The following CDK8 variants were observed in gnomAD, a reference collection of about 807,000 sequenced individuals.
CDK8 encodes the protein cyclin-dependent kinase 8.
CDK8 carries 29 observed loss-of-function variants against 71.5 expected under a neutral mutation model. The observed-to-expected ratio is 0.41, with a 90% confidence interval of 0.30 to 0.55. The LOEUF is 0.55. CDK8 is among the 20% of genes least tolerant of loss of function. The pLI is 0.37. For missense variants in CDK8, 288 were observed against 572.6 expected (o/e 0.50, Z 5.07); for synonymous variants, 161 against 192.1 (o/e 0.84, Z 1.34).
intron 1 of CDK8, among the ~76,000 whole-genome samples, chr13:26,281,696 G>A (rs1316044431): frequency 2.8e-5 from 3 of 108,310 alleles, no homozygotes; most frequent in African/African-American, 2.0e-4. Context: ...AGCTACTCAG[G>A]GAGATACCAG....
intron 1 of CDK8, among the ~76,000 whole-genome samples, chr13:26,336,699 G>A (rs530263475): frequency 4.6e-5 from 7 of 151,950 alleles, no homozygotes; most frequent in Admixed American, 1.3e-4. Context: ...GACTACAGGC[G>A]CCCGCCACCA....
At chr13:26,266,016 G>A (rs1405220816) in intron 1 of CDK8, among the ~76,000 whole-genome samples, 1 of 152,068 alleles carries the variant, frequency 6.6e-6, no homozygotes, top group Non-Finnish European at 1.5e-5. Flanking sequence ...TGAGGAGGGA[G>A]AAATGATAGG....
chr13:26,370,920 T>C (rs9551264), intron 4 of CDK8, among the ~76,000 whole-genome samples: 126,057 of 152,166 alleles, frequency 0.83, 53,932 homozygotes, highest in East Asian at 0.99. Flanking sequence ...TGATTTTCTA[T>C]AAGAAATGTT....
intron 1 of CDK8, among the ~76,000 whole-genome samples, chr13:26,317,527 G>T (rs928709436): frequency 1.3e-5 from 2 of 152,160 alleles, no homozygotes; most frequent in African/African-American, 2.4e-5. Flanking sequence ...TTCCAGGATA[G>T]GCAATATGTT....
Position 26,254,898 on chromosome 13 carries a change from C to T in CDK8, c.128+129C>T. On this transcript the variant is annotated intron_variant, in intron 1 of 12. Transcript: ENST00000381527. This position sits in a 1 kb window ranked among gnomAD's most constrained non-coding sequence, Gnocchi z 6.7. Reference sequence around the variant, plus strand: ...CTTCCTCGACGCCGGCCTCTGGCTCCGCCAGCCAGGTTTGGGGAGGAAGTG... The same window carrying T: ...CTTCCTCGACGCCGGCCTCTGGCTCTGCCAGCCAGGTTTGGGGAGGAAGTG... 7.5e-7 allele frequency: 1 copy of T among 1,338,830 alleles called. No homozygotes were observed. The allele number at this position is 1,338,830 out of a possible 1,614,324, so 82.9% of individuals were successfully genotyped here. A position where few individuals can be genotyped will look rare whatever the true frequency, so the allele number is the denominator to read the frequency against.
chr13:26,403,849 C>T, intron 12 of CDK8, 107 bp from the exon 13 acceptor site: 6 of 1,372,724 alleles, frequency 4.4e-6, no homozygotes, highest in Non-Finnish European at 6.0e-6. Flanking sequence ...AGCACAAAAC[C>T]TATACATCCT....
intron 6 of CDK8, among the ~76,000 whole-genome samples, chr13:26,385,754 AAAAT>A (rs1278028520): frequency 6.6e-6 from 1 of 152,146 alleles, no homozygotes; most frequent in Admixed American, 6.5e-5. Flanking sequence ...AAATAAATAA[AAAAT>A]AAAAGTAAGA....
At chr13:26,396,000 C>T (rs1265516933) in intron 7 of CDK8, among the ~76,000 whole-genome samples, 5 of 152,050 alleles carry the variant, frequency 3.3e-5, no homozygotes, top group African/African-American at 4.8e-5. Flanking sequence ...ATATGTATAA[C>T]TTATTCTTCT....
chr13:26,279,883 T>G (rs1175580816), intron 1 of CDK8, among the ~76,000 whole-genome samples: 1 of 152,190 alleles, frequency 6.6e-6, no homozygotes, highest in Non-Finnish European at 1.5e-5. Context: ...AGTGGCATGA[T>G]GTCTAGAAAT....
Position 26,349,063 on chromosome 13 carries a change from G to GT in CDK8, c.205-5dup, listed in dbSNP as rs1873581916. 6.6e-7 allele frequency: 1 copy of GT among 1,521,686 alleles called. No individual in the cohort carries two copies. The highest frequency in any genetic ancestry group is 1.4e-5 in the African/African-American group (1 of 73,028). The allele number at this position is 1,521,686 out of a possible 1,614,324, so 94.3% of individuals were successfully genotyped here. A position where few individuals can be genotyped will look rare whatever the true frequency, so the allele number is the denominator to read the frequency against. On this transcript the variant is annotated splice_polypyrimidine_tract_variant and intron_variant, in intron 2 of 12. Transcript: ENST00000381527. ...CAGAAATAGTTAATGCATCTCCTTTGTTTTGCAGTTACTTCGAGAGCTTAA... is the reference window on the plus strand; with the variant it reads ...CAGAAATAGTTAATGCATCTCCTTTGTTTTTGCAGTTACTTCGAGAGCTTAA...
chr13:26,332,618 A>G (rs1312494163), intron 1 of CDK8, among the ~76,000 whole-genome samples: 4 of 152,070 alleles, frequency 2.6e-5, no homozygotes, highest in African/African-American at 7.2e-5. Context: ...GCTATGTTGA[A>G]TAAGAGTGGT....
intron 1 of CDK8, among the ~76,000 whole-genome samples, chr13:26,321,918 A>G (rs961526187): frequency 5.5e-4 from 84 of 152,158 alleles, no homozygotes; most frequent in African/African-American, 1.9e-3. Flanking sequence ...ATACTTAGAG[A>G]CATGTAAAAT....
intron 1 of CDK8, among the ~76,000 whole-genome samples, chr13:26,259,237 C>T (rs1240526127): frequency 2.0e-5 from 3 of 152,078 alleles, no homozygotes; most frequent in East Asian, 1.9e-4. Flanking sequence ...GACAGTTAGT[C>T]CCCTGTGTCT....
rs1324080600 is a variant in CDK8 at position 26,263,400 on chromosome 13, C to G, written c.128+8631C>G. Among the ~76,000 whole-genome samples, 3 of 152,102 alleles carry G rather than the reference C, an allele frequency of 2.0e-5. 1 individual carries two copies. Among genetic ancestry groups the G allele is most frequent in the African/African-American group, 4.8e-5 (2 of 41,424 alleles). On this transcript the variant is annotated intron_variant, in intron 1 of 12. Coordinates refer to ENST00000381527, the MANE Select transcript of CDK8 (RefSeq NM_001260.3). ...TCCGCCTGCCTCAGCCTCCCAAGTGCTGGGATTACAGGCGTGAGCCACCGC... is the reference window on the plus strand; with the variant it reads ...TCCGCCTGCCTCAGCCTCCCAAGTGGTGGGATTACAGGCGTGAGCCACCGC...
intron 3 of CDK8, 77 bp from the exon 4 acceptor site, chr13:26,353,663 C>A: frequency 8.4e-7 from 1 of 1,189,414 alleles, no homozygotes; most frequent in Non-Finnish European, 1.2e-6. Context: ...GTTTCTTTTT[C>A]TGTTAGGAAA....
chr13:26,281,374 C>T (rs1411072995), intron 1 of CDK8, among the ~76,000 whole-genome samples: 1 of 152,164 alleles, frequency 6.6e-6, no homozygotes, highest in Admixed American at 6.5e-5. Context: ...TGGTTAGGCC[C>T]AGTAGAGCAA....
In CDK8 at chr13:26,386,725, C is replaced by T. The variant is rs553958734; in HGVS notation, c.646+1383C>T. On this transcript the variant is annotated intron_variant, in intron 6 of 12. Coordinates refer to ENST00000381527, the MANE Select transcript of CDK8 (RefSeq NM_001260.3). Reference sequence around the variant, plus strand: ...ATACTTGCTAGCTTGCCAGGGTTTACAATTCTAGGTACAAAAGAATTTTCC... The same window carrying T: ...ATACTTGCTAGCTTGCCAGGGTTTATAATTCTAGGTACAAAAGAATTTTCC... Among the ~76,000 whole-genome samples the T allele has an allele frequency of 2.6e-5, 4 of 152,272 alleles. No individual in the cohort carries two copies. The South Asian group carries it at 8.3e-4, about 32-fold the overall frequency.
chr13:26,336,478 A>G (rs1469817511), intron 1 of CDK8, among the ~76,000 whole-genome samples: 1 of 152,122 alleles, frequency 6.6e-6, no homozygotes, highest in Non-Finnish European at 1.5e-5. Context: ...TTTCAAGAGA[A>G]TAAAGGGGTT....
At chr13:26,349,801 C>G (rs895316517) in intron 3 of CDK8, among the ~76,000 whole-genome samples, 1 of 152,136 alleles carries the variant, frequency 6.6e-6, no homozygotes, top group Non-Finnish European at 1.5e-5. Flanking sequence ...TAACTATTCA[C>G]AATTGAATTT....
Sources: allele counts gnomAD v4.1 joint callset (sites outside exome capture counted in the v4.1 genomes callset), GRCh38; gene constraint gnomAD v4.1.1; non-coding constraint Gnocchi (gnomAD v3.1); transcripts MANE v1.5; gene names NCBI Gene and HGNC (gene_info 2026-07-23, HGNC 2026-07-21).